Variants in AGBL1 observed in about 807,000 individuals in gnomAD.
AGBL1 encodes AGBL carboxypeptidase 1.
AGBL1 carries 130 observed loss-of-function variants against 118.9 expected under a neutral mutation model. That is an observed-to-expected ratio of 1.09 (90% CI 0.95 to 1.26). The LOEUF is 1.26. Ranked by LOEUF, AGBL1 falls within the 50% of genes most tolerant of loss-of-function variation. The pLI, the probability that AGBL1 is intolerant of heterozygous loss-of-function variation, is 0.00. For missense variants in AGBL1, 1,584 were observed against 1,298.1 expected, an observed-to-expected ratio of 1.22 and a Z score of -3.38; for synonymous variants, 555 against 478.9, an observed-to-expected ratio of 1.16 and a Z score of -2.08.
At chr15:86,358,672 C>G (rs2080758089) in intron 17 of AGBL1, among the ~76,000 whole-genome samples, 4 of 151,988 alleles carry the variant, frequency 2.6e-5, no homozygotes, top group Admixed American at 2.6e-4. Context: ...CCCTTTTCTC[C>G]ACATCCTTGC....
At chr15:86,843,514 C>T (rs1045878395) in intron 22 of AGBL1, among the ~76,000 whole-genome samples, 28 of 55,736 alleles carry the variant, frequency 5.0e-4, no homozygotes, top group African/African-American at 1.3e-3. Flanking sequence ...ATCAAGACCC[C>T]GTTTTTTTTT....
At chr15:86,786,859 C>G (rs1325141759) in intron 22 of AGBL1, among the ~76,000 whole-genome samples, 1 of 152,180 alleles carries the variant, frequency 6.6e-6, no homozygotes, top group African/African-American at 2.4e-5. Context: ...TCACACCTAT[C>G]TCCTTGTACC....
chr15:86,405,901 G>A (rs62012294), intron 18 of AGBL1, among the ~76,000 whole-genome samples: 1 of 152,288 alleles, frequency 6.6e-6, no homozygotes, highest in Middle Eastern at 3.4e-3. Context: ...GCAAATGCCA[G>A]AGGAGGAGTT....
chr15:86,994,782 T>G (rs1302192996), intron 24 of AGBL1, among the ~76,000 whole-genome samples: 1 of 152,230 alleles, frequency 6.6e-6, no homozygotes, highest in East Asian at 1.9e-4. Flanking sequence ...AACATTCCAA[T>G]TAGTCATCTT....
At chr15:86,697,516 T>A (rs76257792) in intron 22 of AGBL1, among the ~76,000 whole-genome samples, 16 of 134,858 alleles carry the variant, frequency 1.2e-4, no homozygotes, top group African/African-American at 2.2e-4. Context: ...TTTTTTTTTT[T>A]AATTTTCTTA....
downstream of AGBL1, among the ~76,000 whole-genome samples, chr15:86,918,703 T>TA (rs1390140266): frequency 2.0e-5 from 3 of 152,220 alleles, no homozygotes; most frequent in Non-Finnish European, 4.4e-5. Flanking sequence ...ACAGAAATCT[T>TA]ACCATGGGCT....
chr15:86,592,145 T>C (rs1440640064), intron 21 of AGBL1, among the ~76,000 whole-genome samples: 2 of 152,216 alleles, frequency 1.3e-5, no homozygotes, highest in Non-Finnish European at 2.9e-5. Context: ...CTGCCAGGTT[T>C]CTCAACTGTA....
intron 5 of AGBL1, among the ~76,000 whole-genome samples, chr15:86,176,008 A>G (rs1374339122): frequency 4.6e-5 from 7 of 152,208 alleles, no homozygotes; most frequent in Non-Finnish European, 1.0e-4. Flanking sequence ...ACGTGTTCTC[A>G]GGTGCAGTCT....
intron 1 of AGBL1, among the ~76,000 whole-genome samples, chr15:86,091,786 T>G (rs1896044379): frequency 6.6e-6 from 1 of 152,142 alleles, no homozygotes; most frequent in South Asian, 2.1e-4. Context: ...TCACAATTTT[T>G]TTTCCAATTA....
At chr15:86,344,434 A>AAC (rs2080506310) in intron 17 of AGBL1, among the ~76,000 whole-genome samples, 1 of 152,244 alleles carries the variant, frequency 6.6e-6, no homozygotes, top group Admixed American at 6.5e-5. Context: ...CATTCCCATC[A>AAC]ACATCTATGT....
intron 23 of AGBL1, among the ~76,000 whole-genome samples, chr15:86,926,504 G>A (rs2080541912): frequency 6.6e-6 from 1 of 152,114 alleles, no homozygotes; most frequent in Non-Finnish European, 1.5e-5. Context: ...TCATGACCTT[G>A]AACACGATGG....
chr15:86,085,741 T>C (rs1895604620), intron 1 of AGBL1, among the ~76,000 whole-genome samples: 1 of 152,156 alleles, frequency 6.6e-6, no homozygotes, highest in Non-Finnish European at 1.5e-5. Flanking sequence ...GGCTCAGGGA[T>C]TGGGGCAGGA....
intron 22 of AGBL1, among the ~76,000 whole-genome samples, chr15:86,900,796 C>T (rs545179366): frequency 6.6e-6 from 1 of 152,152 alleles, no homozygotes; most frequent in East Asian, 1.9e-4. Flanking sequence ...TTCTTTAAAG[C>T]TTTTGATACT....
intron 21 of AGBL1, among the ~76,000 whole-genome samples, chr15:86,555,728 A>G (rs990225629): frequency 1.5e-4 from 23 of 152,186 alleles, no homozygotes; most frequent in Non-Finnish European, 2.8e-4. Context: ...GTTGAAAGCT[A>G]CTTACTTCTA....
chr15:86,949,226 C>T (rs2080854597), intron 23 of AGBL1, among the ~76,000 whole-genome samples: 1 of 152,080 alleles, frequency 6.6e-6, no homozygotes, highest in South Asian at 2.1e-4. Flanking sequence ...CAGATTGCAG[C>T]AGACCCATGT....
chr15:86,265,031 G>A (rs8029304), intron 11 of AGBL1, among the ~76,000 whole-genome samples, 193 bp downstream of exon 11: 2 of 152,072 alleles, frequency 1.3e-5, no homozygotes, highest in African/African-American at 2.4e-5. Context: ...TCAAGTGTGG[G>A]GTAGTGGTAG....
intron 22 of AGBL1, among the ~76,000 whole-genome samples, chr15:86,717,103 A>T (rs970325255): frequency 6.6e-6 from 1 of 152,246 alleles, no homozygotes; most frequent in African/African-American, 2.4e-5. Flanking sequence ...CAAGATGGAA[A>T]TATGTCCTAG....
chr15:86,563,842 T>C (rs1485875233), intron 21 of AGBL1, among the ~76,000 whole-genome samples: 4 of 152,186 alleles, frequency 2.6e-5, no homozygotes, highest in Non-Finnish European at 5.9e-5. Flanking sequence ...ATATTTAGGA[T>C]AGTTAGCTCT....
chr15:86,493,367 T>C (rs1016859213), intron 18 of AGBL1, among the ~76,000 whole-genome samples: 1 of 151,750 alleles, frequency 6.6e-6, no homozygotes, highest in Non-Finnish European at 1.5e-5. Flanking sequence ...AGGCTACAAA[T>C]GGAGGAGTAT....
Sources: gnomAD v4.1 joint callset for allele counts (sites outside exome capture counted in the v4.1 genomes callset) on GRCh38, gnomAD v4.1.1 for gene constraint, MANE v1.5 for transcripts, NCBI Gene and HGNC (gene_info 2026-07-23, HGNC 2026-07-21) for gene names.